GEMIN8: variants seen among roughly 807,000 people sequenced by gnomAD.
The protein encoded by GEMIN8 is gem-associated protein 8.
For synonymous variants in GEMIN8, 80 were observed against 78.5 expected, an observed-to-expected ratio of 1.02 and a Z score of -0.10; for missense variants, 185 against 205.9, an observed-to-expected ratio of 0.90 and a Z score of 0.62.
chrX:13,998,364 G>A, the GEMIN8 span, among the ~76,000 whole-genome samples: 1 of 110,212 alleles, frequency 9.1e-6, no homozygotes, highest in African/African-American at 3.3e-5. Context: ...ACTGGCTCAT[G>A]GGGGCAGTTT....
the GEMIN8 span, among the ~76,000 whole-genome samples, chrX:13,990,982 T>C: frequency 8.9e-6 from 1 of 112,667 alleles, no homozygotes; most frequent in Non-Finnish European, 1.9e-5. Flanking sequence ...TCCTTCCACC[T>C]TGGCCCACCA....
chrX:13,989,682 C>A, the GEMIN8 span, among the ~76,000 whole-genome samples: 1 of 112,577 alleles, frequency 8.9e-6, no homozygotes, highest in South Asian at 3.7e-4. Context: ...TGTGCACTGA[C>A]ATGGGATTGC....
At chrX:13,998,075 TG>T in the GEMIN8 span, among the ~76,000 whole-genome samples, 1 of 107,626 alleles carries the variant, frequency 9.3e-6, no homozygotes, top group Non-Finnish European at 1.9e-5. Context: ...TTACCATTTT[TG>T]CTTTTTTTTT....
chrX:13,999,105 G>C, the GEMIN8 span, among the ~76,000 whole-genome samples: 1 of 110,235 alleles, frequency 9.1e-6, no homozygotes, highest in African/African-American at 3.3e-5. Context: ...TTCTTATTTT[G>C]GAATTATTTT....
intron 1 of GEMIN8, among the ~76,000 whole-genome samples, chrX:14,028,767 G>A (rs1434009654): frequency 1.8e-5 from 2 of 112,394 alleles, no homozygotes; most frequent in African/African-American, 6.5e-5. Flanking sequence ...TTTCAGTTAT[G>A]CTTATTCCAA....
chrX:13,998,926 G>C, the GEMIN8 span, among the ~76,000 whole-genome samples: 1 of 111,799 alleles, frequency 8.9e-6, no homozygotes, highest in Non-Finnish European at 1.9e-5. Context: ...TTGTCATTCT[G>C]GTGTCACTGT....
chrX:14,016,506 G>A (rs1003653810), intron 4 of GEMIN8, among the ~76,000 whole-genome samples: 2 of 110,837 alleles, frequency 1.8e-5, no homozygotes. Context: ...GCCACCCAGA[G>A]CAGAAATATG....
At chrX:14,011,516 CTTTTTTTTTTTTTTTTT>C (rs575651297) in intron 4 of GEMIN8, among the ~76,000 whole-genome samples, 5 of 60,386 alleles carry the variant, frequency 8.3e-5, no homozygotes, top group South Asian at 1.0e-3. Flanking sequence ...CTATGGCTCT[CTTTTTTTTTTTTTTTTT>C]TTTTTTTTTT....
chrX:13,986,887 C>G, the GEMIN8 span, among the ~76,000 whole-genome samples: 29 of 112,323 alleles, frequency 2.6e-4, no homozygotes, highest in Non-Finnish European at 4.3e-4. Flanking sequence ...CTGTTGCCAA[C>G]CAACAAGAAA....
At chrX:14,002,530 C>T (rs1167698349), downstream of GEMIN8, among the ~76,000 whole-genome samples, 1 of 110,983 alleles carries the variant, frequency 9.0e-6, no homozygotes, top group Admixed American at 9.6e-5. Flanking sequence ...TCTTGTCGCC[C>T]AGGCTGGAGT....
chrX:14,004,621 G>A (rs998520409), downstream of GEMIN8, among the ~76,000 whole-genome samples: 1 of 111,690 alleles, frequency 9.0e-6, no homozygotes, highest in Non-Finnish European at 1.9e-5. Flanking sequence ...AGGCTGACAC[G>A]GCCTCAGCTC....
At chrX:14,010,446 G>C (rs1923460867) in intron 4 of GEMIN8, among the ~76,000 whole-genome samples, 1 of 111,886 alleles carries the variant, frequency 8.9e-6, no homozygotes, top group South Asian at 3.8e-4. Flanking sequence ...CACGAGATAA[G>C]GAGTGAAGAT....
At chrX:13,984,613 C>G in the GEMIN8 span, among the ~76,000 whole-genome samples, 1 of 111,840 alleles carries the variant, frequency 8.9e-6, no homozygotes, top group Non-Finnish European at 1.9e-5. Context: ...AAAAGAAGAC[C>G]TTGAGATAAG....
At chrX:13,988,617 C>A in the GEMIN8 span, 1 of 106,492 alleles carries the variant, frequency 9.4e-6, no homozygotes, top group Non-Finnish European at 1.9e-5. Context: ...TTGTCACAAA[C>A]TAAAAAGATA....
the GEMIN8 span, among the ~76,000 whole-genome samples, chrX:13,999,522 C>T: frequency 9.0e-6 from 1 of 111,193 alleles, no homozygotes; most frequent in Admixed American, 9.6e-5. Flanking sequence ...GTAATCCGCC[C>T]GCCTCAGCCT....
At chrX:13,984,334 T>G in the GEMIN8 span, among the ~76,000 whole-genome samples, 1 of 112,477 alleles carries the variant, frequency 8.9e-6, no homozygotes, top group Non-Finnish European at 1.9e-5. Flanking sequence ...TGATAATTTG[T>G]TACACAGCTA....
the GEMIN8 span, among the ~76,000 whole-genome samples, chrX:13,984,528 T>C: frequency 1.8e-5 from 2 of 112,158 alleles, no homozygotes; most frequent in African/African-American, 6.5e-5. Flanking sequence ...ATTGCAATGC[T>C]AGAGTTGTGC....
At chrX:13,998,517 T>C in the GEMIN8 span, among the ~76,000 whole-genome samples, 247 of 111,247 alleles carry the variant, frequency 2.2e-3, no homozygotes, top group Non-Finnish European at 3.8e-3. Context: ...CCGCCATGAT[T>C]GTAAATTTCC....
rs1421941220 is a variant in GEMIN8, at chrX:14,007,505, G to T, written c.*1408C>A. Among the ~76,000 whole-genome samples, 4 of 111,190 alleles carry T rather than the reference G, an allele frequency of 3.6e-5. No individual in the cohort carries two copies. The highest frequency in any genetic ancestry group is 7.5e-5 in the Non-Finnish European group (4 of 53,044). On this transcript the variant is annotated 3_prime_UTR_variant, in exon 5 of 5. Coordinates refer to ENST00000680255, the MANE Select transcript of GEMIN8 (RefSeq NM_001042479.2). ...CAACTGTGCGTTTTCTGCAACAGAG[G>T]TGACTGCAGCAGTGACCAGGTTTGG...
Sources: gnomAD v4.1 joint callset for allele counts (sites outside exome capture counted in the v4.1 genomes callset) on GRCh38, gnomAD v4.1.1 for gene constraint, MANE v1.5 for transcripts, NCBI Gene and HGNC (gene_info 2026-07-23, HGNC 2026-07-21) for gene names.